The following POLA1 variants were observed in gnomAD, a reference collection of about 807,000 sequenced individuals.
POLA1 encodes the protein DNA polymerase alpha catalytic subunit.
Under a neutral mutation model 124.0 loss-of-function variants are expected in POLA1, and 15 were observed. The ratio of observed to expected loss-of-function variants is 0.12; its 90% confidence interval spans 0.08 to 0.19. The LOEUF is 0.19. Among genes scored for constraint, POLA1 ranks in the 10% least tolerant of loss-of-function variants. The pLI is 1.00. For missense variants in POLA1, 886 were observed against 1,103.4 expected, an observed-to-expected ratio of 0.80 and a Z score of 2.79; for synonymous variants, 408 against 389.4, an observed-to-expected ratio of 1.05 and a Z score of -0.56.
chrX:24,756,624 C>T (rs1932622372), intron 26 of POLA1, among the ~76,000 whole-genome samples: 1 of 110,666 alleles, frequency 9.0e-6, no homozygotes, highest in Non-Finnish European at 1.9e-5. Flanking sequence ...CTTCCCTCAA[C>T]CCAAGTAGAG....
intron 36 of POLA1, among the ~76,000 whole-genome samples, chrX:24,964,011 A>C (rs1355230850): frequency 9.0e-6 from 1 of 111,724 alleles, no homozygotes; most frequent in East Asian, 2.8e-4. Flanking sequence ...GTTCTGCATT[A>C]TGATCTAATG....
intron 35 of POLA1, among the ~76,000 whole-genome samples, chrX:24,894,617 A>G (rs776206519): frequency 9.0e-6 from 1 of 111,567 alleles, no homozygotes; most frequent in South Asian, 3.8e-4. Context: ...CATCACTTCA[A>G]TCTCCGCTTC....
intron 3 of POLA1, 108 bp downstream of exon 3, chrX:24,703,455 A>G (rs1928593861): frequency 1.9e-6 from 1 of 533,972 alleles, no homozygotes; most frequent in East Asian, 3.6e-5. Flanking sequence ...GCCTGGGCAA[A>G]TGTAAGGCAC....
intron 35 of POLA1, among the ~76,000 whole-genome samples, chrX:24,906,078 C>T (rs1218431313): frequency 1.8e-5 from 2 of 111,766 alleles, no homozygotes; most frequent in Non-Finnish European, 3.8e-5. Flanking sequence ...ACTAGTATAA[C>T]CTCTGTGGAA....
intron 11 of POLA1, 47 bp from the exon 12 acceptor site, chrX:24,724,288 G>A: frequency 1.6e-6 from 1 of 636,769 alleles, no homozygotes; most frequent in Non-Finnish European, 2.6e-6. Flanking sequence ...GATCATTTAT[G>A]TACAGATACT....
rs188053222 is a variant in POLA1, at chrX:24,789,673, A to G, written c.2965-20225A>G. On this transcript the variant is annotated intron_variant, in intron 26 of 36. Transcript: ENST00000379068. ...GAAGTAACAGCTTGTTATAAGCATG[A>G]GTATGGAAAAGAGATTTTTATTCGT... Among the ~76,000 whole-genome samples, 318 of 112,115 alleles carry G rather than the reference A, an allele frequency of 2.8e-3. 3 individuals are homozygous for G. The highest frequency in any genetic ancestry group is 9.7e-3 in the African/African-American group (298 of 30,872).
intron 26 of POLA1, among the ~76,000 whole-genome samples, chrX:24,806,644 G>A (rs1306795884): frequency 1.8e-5 from 2 of 111,222 alleles, no homozygotes; most frequent in African/African-American, 3.3e-5. Context: ...CACAGAAATC[G>A]GTACAACCTC....
chrX:24,705,853 T>A (rs1928768984), intron 4 of POLA1, among the ~76,000 whole-genome samples: 1 of 111,989 alleles, frequency 8.9e-6, no homozygotes, highest in Non-Finnish European at 1.9e-5. Context: ...AATAAATAAA[T>A]AGTTATAAAT....
At chrX:24,934,774 A>G (rs893971208) in intron 36 of POLA1, among the ~76,000 whole-genome samples, 9 of 111,824 alleles carry the variant, frequency 8.0e-5, no homozygotes, top group African/African-American at 2.9e-4. Context: ...CCAGACTCGA[A>G]TGCAGTGGTG....
chrX:24,785,296 A>G (rs1193474476), intron 26 of POLA1, among the ~76,000 whole-genome samples: 3 of 111,971 alleles, frequency 2.7e-5, no homozygotes, highest in African/African-American at 6.5e-5. Context: ...TTTAACTGGG[A>G]CAAAACATCC....
At position 24,748,902 on chromosome X, in the gene POLA1, A is replaced by G. The variant is rs757551355; in HGVS notation, c.2874A>G (p.Thr958=). Reference sequence around the variant, plus strand: ...TTCGACAGAAGGCTTTGAAGCTCACAGCGAACAGTATGTATGGTTGCCTGG... The same window carrying G: ...TTCGACAGAAGGCTTTGAAGCTCACGGCGAACAGTATGTATGGTTGCCTGG... ...YDIRQKALKL[T]ANSMYGCLGF... The change falls in exon 26 of 37, where the codon ACA becomes ACG. Residue 958 remains threonine (T), a synonymous_variant. Coordinates refer to ENST00000379068, the MANE Select transcript of POLA1 (RefSeq NM_001330360.2). 102 of 1,205,818 alleles carry G rather than the reference A, an allele frequency of 8.5e-5. 1 individual carries two copies. The South Asian group carries it at 1.7e-3, about 20-fold the overall frequency.
At chrX:24,967,832 G>C (rs981086706) in intron 36 of POLA1, among the ~76,000 whole-genome samples, 2 of 111,314 alleles carry the variant, frequency 1.8e-5, no homozygotes, top group African/African-American at 6.5e-5. Flanking sequence ...CCTGGGGTGA[G>C]TTAGCTGGGA....
Position 24,882,300 on chromosome X carries a change from T to C in POLA1, c.4048-5706T>C, listed in dbSNP as rs11573452. On this transcript the variant is annotated intron_variant, in intron 34 of 36. Coordinates refer to ENST00000379068, the MANE Select transcript of POLA1 (RefSeq NM_001330360.2). ...ATTTTTATTTGATTGCTTCTGTTCA[T>C]TTATTCAGAAGACTTTTAAAAATAT... is the stretch of plus-strand genomic sequence containing the variant. Among the ~76,000 whole-genome samples, 572 of 112,195 alleles carry C rather than the reference T, an allele frequency of 5.1e-3. 8 individuals are homozygous for C. Among genetic ancestry groups the C allele is most frequent in the African/African-American group, 0.018 (556 of 30,871 alleles).
chrX:24,957,941 T>G (rs1464049016), intron 36 of POLA1, among the ~76,000 whole-genome samples: 1 of 110,785 alleles, frequency 9.0e-6, no homozygotes, highest in Non-Finnish European at 1.9e-5. Context: ...ATTCCAAATA[T>G]AGTGGAGATT....
intron 35 of POLA1, among the ~76,000 whole-genome samples, chrX:24,924,604 G>A (rs185604236): frequency 1.8e-5 from 2 of 112,070 alleles, no homozygotes; most frequent in Non-Finnish European, 3.8e-5. Flanking sequence ...GTCAGAGGGT[G>A]TAGTGAGCCA....
At chrX:24,722,971 A>G (rs1458258162) in intron 10 of POLA1, among the ~76,000 whole-genome samples, 184 bp from the exon 11 acceptor site, 4 of 112,497 alleles carry the variant, frequency 3.6e-5, no homozygotes, top group Non-Finnish European at 7.5e-5. Flanking sequence ...GTGTTAGTGT[A>G]GTATGGCATC....
chrX:24,740,849 T>A (rs1007114589), intron 20 of POLA1, among the ~76,000 whole-genome samples: 3 of 112,129 alleles, frequency 2.7e-5, no homozygotes. Context: ...CAGTCTCTGC[T>A]TCTGATACTT....
At chrX:24,792,896 C>T (rs774972787) in intron 26 of POLA1, among the ~76,000 whole-genome samples, 31 of 111,395 alleles carry the variant, frequency 2.8e-4, no homozygotes, top group Admixed American at 1.1e-3. Flanking sequence ...GTTGGGCTGA[C>T]GGAAATTCAA....
intron 29 of POLA1, among the ~76,000 whole-genome samples, chrX:24,813,857 C>T (rs974821878): frequency 9.1e-6 from 1 of 109,573 alleles, no homozygotes; most frequent in African/African-American, 3.3e-5. Flanking sequence ...CTTCATGTAC[C>T]GTCTTAATTT....
Sources: allele counts gnomAD v4.1 joint callset (sites outside exome capture counted in the v4.1 genomes callset), GRCh38; gene constraint gnomAD v4.1.1; transcripts MANE v1.5; gene names NCBI Gene and HGNC (gene_info 2026-07-23, HGNC 2026-07-21).